Variants in FRRS1L observed in about 807,000 individuals in gnomAD.
The protein encoded by FRRS1L is DOMON domain-containing protein FRRS1L.
FRRS1L carries 22 observed loss-of-function variants against 28.6 expected under a neutral mutation model. The ratio of observed to expected loss-of-function variants is 0.77; its 90% CI spans 0.55 to 1.10. The LOEUF is 1.10. Among genes scored for constraint, FRRS1L ranks in the 50% least tolerant of loss-of-function variants. FRRS1L has a pLI of 0.00. For missense variants in FRRS1L, 380 were observed against 386.9 expected, an observed-to-expected ratio of 0.98 and a Z score of 0.15; for synonymous variants, 158 against 151.4, an observed-to-expected ratio of 1.04 and a Z score of -0.32.
Position 109,141,525 on chromosome 9 carries a change from T to C in FRRS1L, c.527A>G (p.Tyr176Cys), listed in dbSNP as rs1380936212. The stretch of plus-strand genomic sequence containing the variant: ...CTCCTTTGCCCACTGGCCTACATTA[T>C]AGAAGTGCTGTATGCGGACCCTGCC... ...DNGRVRIQHF[Y>C]NVGQWAKEIQ... Residue 176 changes from tyrosine (Y) to cysteine (C), a missense_variant, in exon 4 of 5, where the codon TAT (tyrosine) becomes TGT (cysteine). Physicochemically the swap from Tyr to Cys is radical, Grantham distance 194. Transcript: ENST00000561981. 3 of 1,614,060 alleles carry C rather than the reference T, an allele frequency of 1.9e-6. No individual in the cohort carries two copies. Among genetic ancestry groups the C allele is most frequent in the Admixed American group, 1.7e-5 (1 of 60,000 alleles).
intron 4 of FRRS1L, chr9:109,138,603 C>T (rs1185785355): frequency 6.6e-6 from 1 of 152,212 alleles, no homozygotes. Flanking sequence ...GTTTCAGACA[C>T]TTGGGAGGCT....
intron 1 of FRRS1L, among the ~76,000 whole-genome samples, chr9:109,165,298 C>A (rs935871016): frequency 6.6e-6 from 1 of 152,232 alleles, no homozygotes; most frequent in Non-Finnish European, 1.5e-5. Flanking sequence ...GTAATGTGGG[C>A]AGCCAGCCTA....
intron 1 of FRRS1L, among the ~76,000 whole-genome samples, chr9:109,156,711 C>T (rs1162016028): frequency 1.6e-5 from 2 of 128,698 alleles, no homozygotes; most frequent in Non-Finnish European, 1.6e-5. Flanking sequence ...TTTTTTGAGA[C>T]GGGGTCTTGC....
intron 4 of FRRS1L, 177 bp downstream of exon 4, chr9:109,141,166 A>G (rs918633757): frequency 6.2e-6 from 4 of 641,278 alleles, no homozygotes; most frequent in South Asian, 2.0e-5. Context: ...TCCGTATAAT[A>G]AGTCCATTAT....
intron 3 of FRRS1L, among the ~76,000 whole-genome samples, chr9:109,144,108 G>A (rs1446290250): frequency 6.6e-6 from 1 of 152,112 alleles, no homozygotes; most frequent in Non-Finnish European, 1.5e-5. Flanking sequence ...ATGCAAGCCA[G>A]CTTCTGGGTG....
intron 1 of FRRS1L, among the ~76,000 whole-genome samples, chr9:109,161,174 T>C (rs1432836792): frequency 2.0e-5 from 3 of 149,828 alleles, no homozygotes; most frequent in African/African-American, 7.3e-5. Flanking sequence ...CTCCTTAGTC[T>C]TGAGACATAT....
At chr9:109,157,520 G>A (rs1831426199) in intron 1 of FRRS1L, among the ~76,000 whole-genome samples, 1 of 152,104 alleles carries the variant, frequency 6.6e-6, no homozygotes, top group South Asian at 2.1e-4. Context: ...CTGAGCAGCT[G>A]GGACCACAGG....
intron 3 of FRRS1L, 22 bp from the exon 4 acceptor site, chr9:109,141,611 A>G (rs1254737652): frequency 6.2e-6 from 9 of 1,456,114 alleles, no homozygotes; most frequent in South Asian, 1.2e-5. Context: ...AATGATTGAG[A>G]AAAAAAAAAG....
At chr9:109,147,212 CTT>C (rs776597590) in intron 2 of FRRS1L, 23 bp from the exon 3 acceptor site, 2 of 1,599,180 alleles carry the variant, frequency 1.3e-6, no homozygotes, top group Non-Finnish European at 1.7e-6. Context: ...TCGAAAGAGA[CTT>C]TACTGCTTCT....
At chr9:109,137,810 C>T (rs907939492) in intron 4 of FRRS1L, 183 bp from the exon 5 acceptor site, 3 of 347,932 alleles carry the variant, frequency 8.6e-6, no homozygotes, top group Non-Finnish European at 1.5e-5. Context: ...TAATAAAGAA[C>T]ATAGAAATTA....
In FRRS1L at chr9:109,166,693, A is replaced by T. The variant is rs566615074; in HGVS notation, c.238+208T>A. 1.9e-4 allele frequency among the ~76,000 whole-genome samples: 29 copies of T among 151,922 alleles called. 3 individuals are homozygous for T. The South Asian group carries it at 3.7e-3, about 20-fold the overall frequency. On this transcript the variant is annotated intron_variant, in intron 1 of 4. Transcript: ENST00000561981. The stretch of plus-strand genomic sequence containing the variant: ...CCCATCTGTAAAGCGGGCGGCAGGC[A>T]TTGACAGCTCTTTGGGCCTTTCCTC...
chr9:109,145,159 C>A (rs1831242238), intron 3 of FRRS1L, among the ~76,000 whole-genome samples: 1 of 152,060 alleles, frequency 6.6e-6, no homozygotes, highest in Non-Finnish European at 1.5e-5. Context: ...CAAGCCTGGC[C>A]CAGTGAAGTG....
At chr9:109,164,237 T>C (rs753740442) in intron 1 of FRRS1L, among the ~76,000 whole-genome samples, 2 of 151,842 alleles carry the variant, frequency 1.3e-5, no homozygotes, top group Non-Finnish European at 2.9e-5. Context: ...AGAATCTGTA[T>C]GCAAAGAGGA....
In FRRS1L at chr9:109,150,012, G is replaced by A. The variant is rs57621307; in HGVS notation, c.239-292C>T. 0.019 allele frequency: 4,909 copies of A among 257,882 alleles called. 263 individuals are homozygous for A. The highest frequency in any genetic ancestry group is 0.1 in the African/African-American group (4,582 of 45,060). The allele number at this position is 257,882 out of a possible 1,614,324, so 16.0% of individuals were successfully genotyped here. A position where few individuals can be genotyped will look rare whatever the true frequency, so the allele number is the denominator to read the frequency against. Reference sequence around the variant, plus strand: ...AATTTCATATAACCACGGGCTTACCGCTGTCCCCTGGGAGTTTGAGAATCA... The same window carrying A: ...AATTTCATATAACCACGGGCTTACCACTGTCCCCTGGGAGTTTGAGAATCA... On this transcript the variant is annotated intron_variant, in intron 1 of 4. Transcript: ENST00000561981.
At chr9:109,159,243 C>CTTAACA (rs10661985) in intron 1 of FRRS1L, among the ~76,000 whole-genome samples, 1 of 151,468 alleles carries the variant, frequency 6.6e-6, no homozygotes, top group East Asian at 1.9e-4. Flanking sequence ...CTTTGTCATT[C>CTTAACA]TTATTTCTTT....
intron 4 of FRRS1L, chr9:109,139,102 G>C (rs1392230660): frequency 2.0e-5 from 3 of 152,254 alleles, no homozygotes; most frequent in Non-Finnish European, 2.9e-5. Flanking sequence ...GGGAGGCTGA[G>C]GCAGGAGAAC....
At chr9:109,154,715 C>A (rs763802517) in intron 1 of FRRS1L, among the ~76,000 whole-genome samples, 1 of 152,162 alleles carries the variant, frequency 6.6e-6, no homozygotes, top group Non-Finnish European at 1.5e-5. Flanking sequence ...GACACGAGGT[C>A]CAGCATATTT....
In FRRS1L at chr9:109,166,986, G is replaced by A. The variant is rs1831561464; in HGVS notation, c.153C>T (p.Gly51=). Residue 51 remains glycine (G), a synonymous_variant, in exon 1 of 5, where the codon GGC becomes GGT. Transcript: ENST00000561981. The part of the protein sequence containing the change: ...GPRGRARGDT[G]ADEAVPRHDS... ...CGTGGCGCGGCACCGCCTCGTCGGC[G>A]CCCGTGTCCCCCCGCGCGCGTCCCC... 7.8e-7 allele frequency: 1 copy of A among 1,283,950 alleles called. No homozygotes were observed. The highest frequency in any genetic ancestry group is 9.9e-7 in the Non-Finnish European group (1 of 1,011,628). The allele number at this position is 1,283,950 out of a possible 1,614,324, so 79.5% of individuals were successfully genotyped here.
At chr9:109,159,901 T>C (rs371963079) in intron 1 of FRRS1L, among the ~76,000 whole-genome samples, 20 of 152,278 alleles carry the variant, frequency 1.3e-4, no homozygotes, top group African/African-American at 4.8e-4. Flanking sequence ...GCCTGCATAA[T>C]CATGTGAACC....
Sources: gnomAD v4.1 joint callset for allele counts (sites outside exome capture counted in the v4.1 genomes callset) on GRCh38, gnomAD v4.1.1 for gene constraint, MANE v1.5 for transcripts, NCBI Gene and HGNC (gene_info 2026-07-23, HGNC 2026-07-21) for gene names.